RYR2: variants seen among roughly 807,000 people sequenced by gnomAD.
The protein encoded by RYR2 is ryanodine receptor 2.
RYR2 carries 227 observed loss-of-function variants against 601.1 expected under a neutral mutation model. The observed-to-expected ratio is 0.38, with a 90% CI of 0.34 to 0.42. RYR2 has a LOEUF of 0.42. RYR2 is among the 10% of genes least tolerant of loss of function. The pLI is 1.00. For missense variants in RYR2, 4,646 were observed against 6,156.5 expected, an observed-to-expected ratio of 0.75 and a Z score of 8.21; for synonymous variants, 2,223 against 2,175.1, an observed-to-expected ratio of 1.02 and a Z score of -0.61.
chr1:237,535,633 G>A (rs1344528476), intron 25 of RYR2, among the ~76,000 whole-genome samples: 1 of 152,046 alleles, frequency 6.6e-6, no homozygotes. Flanking sequence ...CCCAGATCAA[G>A]ACAGTATGGA....
In RYR2 at chr1:237,641,010, T is replaced by G; in HGVS notation, c.7221+8T>G. On this transcript the variant is annotated splice_region_variant and intron_variant, in intron 47 of 104. Transcript: ENST00000366574. ...TGTGCTCCTGAGATGCATGTGAGTTTCTGGGAGTTCAGGAGCAGCAATCCT... is the reference window on the plus strand; with the variant it reads ...TGTGCTCCTGAGATGCATGTGAGTTGCTGGGAGTTCAGGAGCAGCAATCCT... 6.2e-7 allele frequency: 1 copy of G among 1,600,134 alleles called. No individual in the cohort carries two copies. The highest frequency in any genetic ancestry group is 8.5e-7 in the Non-Finnish European group (1 of 1,170,772).
At chr1:237,065,646 C>T (rs1317885084) in intron 1 of RYR2, among the ~76,000 whole-genome samples, 2 of 152,104 alleles carry the variant, frequency 1.3e-5, no homozygotes, top group African/African-American at 4.8e-5. Context: ...CCATGGGAGC[C>T]ACTGTTTTGT....
intron 70 of RYR2, among the ~76,000 whole-genome samples, chr1:237,711,470 C>G (rs1688836098): frequency 6.6e-6 from 1 of 152,164 alleles, no homozygotes; most frequent in Non-Finnish European, 1.5e-5. Context: ...AATATTCATT[C>G]TACTCCTTGG....
intron 102 of RYR2, chr1:237,829,910 G>C (rs1046860911): frequency 6.6e-6 from 1 of 152,272 alleles, no homozygotes; most frequent in Non-Finnish European, 1.5e-5. Context: ...TAGGAGAGGC[G>C]TGGTCCAGAG....
At chr1:237,807,049 T>C (rs1660708259) in intron 99 of RYR2, among the ~76,000 whole-genome samples, 2 of 152,172 alleles carry the variant, frequency 1.3e-5, no homozygotes, top group African/African-American at 4.8e-5. Flanking sequence ...AATAATTGCC[T>C]CTCTAAAAGC....
At chr1:237,406,388 T>G (rs980319692) in intron 10 of RYR2, among the ~76,000 whole-genome samples, 1 of 151,730 alleles carries the variant, frequency 6.6e-6, no homozygotes, top group African/African-American at 2.4e-5. Flanking sequence ...GTGTCTAGAA[T>G]ATGAATGGTA....
At chr1:237,452,399 T>C (rs1459000358) in intron 14 of RYR2, among the ~76,000 whole-genome samples, 1 of 144,190 alleles carries the variant, frequency 6.9e-6, no homozygotes, top group African/African-American at 2.5e-5. Context: ...ATACATTATA[T>C]AATATAGTAT....
chr1:237,349,046 A>G (rs1226086067), intron 3 of RYR2, among the ~76,000 whole-genome samples: 1 of 152,224 alleles, frequency 6.6e-6, no homozygotes, highest in Non-Finnish European at 1.5e-5. Context: ...AAAATCTAAC[A>G]TGCGAGTAAC....
chr1:237,075,083 G>C (rs991560698), intron 1 of RYR2, among the ~76,000 whole-genome samples: 8 of 152,126 alleles, frequency 5.3e-5, no homozygotes, highest in Admixed American at 2.6e-4. Context: ...TCTCATGTAG[G>C]TTTTATGCTT....
Position 237,610,851 on chromosome 1 carries a change from G to A in RYR2, c.4773G>A (p.Leu1591=). The stretch of plus-strand genomic sequence containing the variant: ...CCCCGCGCCTCCACGTGCAGTTCCT[G>A]TCACACGTCCTGTGGAGCAGAATGC... ...QCPPRLHVQF[L]SHVLWSRMPN... is the part of the protein sequence containing the mutation. Residue 1591 remains leucine, a synonymous_variant, in exon 36 of 105, where the codon CTG becomes CTA. Coordinates refer to ENST00000366574, the MANE Select transcript of RYR2 (RefSeq NM_001035.3). The surrounding 1 kb of genome is among the most constrained non-coding windows in gnomAD (Gnocchi z 4.9). 1 of 1,613,370 alleles carries A rather than the reference G, an allele frequency of 6.2e-7. No individual in the cohort carries two copies. The highest frequency in any genetic ancestry group is 8.5e-7 in the Non-Finnish European group (1 of 1,179,688).
intron 3 of RYR2, among the ~76,000 whole-genome samples, chr1:237,332,693 C>G (rs1437014642): frequency 6.6e-6 from 1 of 152,140 alleles, no homozygotes; most frequent in African/African-American, 2.4e-5. Flanking sequence ...CAACTTAGAA[C>G]TAAATTGCCA....
At chr1:237,328,131 C>CA (rs1408906273) in intron 2 of RYR2, among the ~76,000 whole-genome samples, 1 of 152,086 alleles carries the variant, frequency 6.6e-6, no homozygotes. Context: ...CAGAAATGGG[C>CA]AAATGCTACA....
chr1:237,089,597 A>T (rs1207025443), intron 1 of RYR2, among the ~76,000 whole-genome samples: 2 of 152,236 alleles, frequency 1.3e-5, no homozygotes, highest in African/African-American at 2.4e-5. Flanking sequence ...CCCTTGAGGG[A>T]TACAGTGAAA....
At chr1:237,350,602 AATATATATATATATATATAT>A (rs1177777241) in intron 3 of RYR2, among the ~76,000 whole-genome samples, 31 of 37,008 alleles carry the variant, frequency 8.4e-4, no homozygotes, top group Non-Finnish European at 1.2e-3. Context: ...AAAAAAAAAA[AATATATATATATATATATAT>A]ATATATATAT....
intron 3 of RYR2, among the ~76,000 whole-genome samples, chr1:237,337,825 G>A (rs544537085): frequency 9.3e-4 from 141 of 152,246 alleles, no homozygotes; most frequent in Non-Finnish European, 1.6e-3. Context: ...GAAGCCCCTA[G>A]CTATAGTTGC....
intron 1 of RYR2, among the ~76,000 whole-genome samples, chr1:237,204,703 C>T (rs1681600127): frequency 6.6e-6 from 1 of 152,050 alleles, no homozygotes; most frequent in South Asian, 2.1e-4. Flanking sequence ...GAGTCTTTAC[C>T]TACTTACTCT....
intron 84 of RYR2, among the ~76,000 whole-genome samples, chr1:237,762,698 A>G (rs1343208427): frequency 6.6e-6 from 1 of 152,240 alleles, no homozygotes; most frequent in East Asian, 1.9e-4. Context: ...AGAATTCTTT[A>G]TATCTCTCAA....
At chr1:237,370,018 C>G (rs1700513766) in intron 6 of RYR2, among the ~76,000 whole-genome samples, 2 of 152,046 alleles carry the variant, frequency 1.3e-5, no homozygotes, top group African/African-American at 4.8e-5. Context: ...TCACCAACTT[C>G]TTTTTCTTCT....
intron 61 of RYR2, among the ~76,000 whole-genome samples, chr1:237,678,569 A>G (rs1159129789): frequency 6.6e-6 from 1 of 152,214 alleles, no homozygotes; most frequent in Non-Finnish European, 1.5e-5. Flanking sequence ...ATCAGAGAGG[A>G]TAAATTGTTT....
Sources: allele counts gnomAD v4.1 joint callset (sites outside exome capture counted in the v4.1 genomes callset), GRCh38; gene constraint gnomAD v4.1.1; non-coding constraint Gnocchi (gnomAD v3.1); transcripts MANE v1.5; gene names NCBI Gene and HGNC (gene_info 2026-07-23, HGNC 2026-07-21).